VDAC1: variants seen among roughly 807,000 people sequenced by gnomAD.
VDAC1 encodes the protein voltage dependent anion channel 1.
In VDAC1, 10 loss-of-function variants were observed where a neutral mutation model predicts 34.7. That is an observed-to-expected ratio of 0.29 (90% confidence interval 0.18 to 0.49). The LOEUF is 0.49. Among genes scored for constraint, VDAC1 ranks in the 20% least tolerant of loss-of-function variants. The pLI is 0.99. For missense variants in VDAC1, 230 were observed against 347.9 expected, an observed-to-expected ratio of 0.66 and a Z score of 2.69; for synonymous variants, 130 against 136.0, an observed-to-expected ratio of 0.96 and a Z score of 0.30.
At chr5:134,067,866 C>T in the VDAC1 span, among the ~76,000 whole-genome samples, 1 of 152,080 alleles carries the variant, frequency 6.6e-6, no homozygotes, top group South Asian at 2.1e-4. Flanking sequence ...GCCTGTAATC[C>T]CAGCACTTTG....
chr5:134,027,873 C>T, the VDAC1 span, among the ~76,000 whole-genome samples: 5 of 148,094 alleles, frequency 3.4e-5, no homozygotes, highest in East Asian at 2.0e-4. Context: ...CAGGTTCAAG[C>T]GATTCTCCTG....
chr5:134,075,643 G>A, the VDAC1 span, among the ~76,000 whole-genome samples: 1 of 152,170 alleles, frequency 6.6e-6, no homozygotes, highest in Non-Finnish European at 1.5e-5. Flanking sequence ...GAGTGCAGTG[G>A]CGCAATCTCG....
chr5:133,973,355 G>A lies in VDAC1; in HGVS notation c.760+436C>T, dbSNP rs183217442. Reference sequence around the variant, plus strand: ...TAGCTGGTAGTCTTAGATTTCCAGGGTTCAAAAGTGGTTATACACTAGAAC... The same window carrying A: ...TAGCTGGTAGTCTTAGATTTCCAGGATTCAAAAGTGGTTATACACTAGAAC... On this transcript the variant is annotated intron_variant, in intron 8 of 8. Transcript: ENST00000265333. Among the ~76,000 whole-genome samples, 88 of 152,308 alleles carry A rather than the reference G, an allele frequency of 5.8e-4. 1 individual carries two copies. In the Middle Eastern group the frequency reaches 0.017, roughly 29 times the overall value.
the VDAC1 span, among the ~76,000 whole-genome samples, chr5:134,040,436 G>T: frequency 6.6e-6 from 1 of 152,196 alleles, no homozygotes; most frequent in Non-Finnish European, 1.5e-5. Context: ...TTAACTGGGT[G>T]TGGTGGCACG....
At chr5:133,982,799 A>G (rs1752749547) in intron 5 of VDAC1, among the ~76,000 whole-genome samples, 1 of 150,700 alleles carries the variant, frequency 6.6e-6, no homozygotes, top group Non-Finnish European at 1.5e-5. Context: ...CTGAGGCAGG[A>G]GAATCACTTG....
At chr5:133,972,923 A>G (rs1752352974) in intron 8 of VDAC1, 61 bp from the exon 9 acceptor site, 2 of 1,399,260 alleles carry the variant, frequency 1.4e-6, no homozygotes, top group Admixed American at 3.5e-5. Context: ...AATGACAAGA[A>G]AGATTAACAC....
At chr5:134,070,737 C>T in the VDAC1 span, among the ~76,000 whole-genome samples, 1 of 152,068 alleles carries the variant, frequency 6.6e-6, no homozygotes, top group Non-Finnish European at 1.5e-5. Flanking sequence ...GCTGTCTGGC[C>T]GGTGGTAAAC....
the VDAC1 span, among the ~76,000 whole-genome samples, chr5:134,107,350 G>A: frequency 1.3e-5 from 2 of 152,334 alleles, no homozygotes; most frequent in East Asian, 3.9e-4. Flanking sequence ...CAGCCCGGCC[G>A]GGCCATGGCT....
the VDAC1 span, among the ~76,000 whole-genome samples, chr5:134,061,520 C>T: frequency 6.6e-6 from 1 of 151,546 alleles, no homozygotes; most frequent in Non-Finnish European, 1.5e-5. Flanking sequence ...TACAGGCACA[C>T]ACCACCATAC....
At chr5:134,031,383 G>T in the VDAC1 span, among the ~76,000 whole-genome samples, 1 of 152,152 alleles carries the variant, frequency 6.6e-6, no homozygotes, top group South Asian at 2.1e-4. Flanking sequence ...TGTGAATGCT[G>T]CCTTGTATGG....
chr5:134,025,247 A>G, the VDAC1 span, among the ~76,000 whole-genome samples: 1 of 152,172 alleles, frequency 6.6e-6, no homozygotes, highest in Non-Finnish European at 1.5e-5. Context: ...GGCACGTCAC[A>G]TGGCGAAAGA....
At chr5:134,102,779 G>T in the VDAC1 span, among the ~76,000 whole-genome samples, 1 of 152,082 alleles carries the variant, frequency 6.6e-6, no homozygotes, top group African/African-American at 2.4e-5. Flanking sequence ...GTTTTACTTA[G>T]CTGCATGCTT....
At chr5:134,063,944 C>G in the VDAC1 span, among the ~76,000 whole-genome samples, 1 of 151,890 alleles carries the variant, frequency 6.6e-6, no homozygotes. Flanking sequence ...GCGATTCCCC[C>G]TCCTCAGCCT....
chr5:134,021,717 A>G, the VDAC1 span, among the ~76,000 whole-genome samples: 1 of 152,202 alleles, frequency 6.6e-6, no homozygotes, highest in Non-Finnish European at 1.5e-5. Context: ...TGTGGTGCAC[A>G]TGAGAATCAC....
At chr5:134,019,466 G>A in the VDAC1 span, among the ~76,000 whole-genome samples, 1 of 152,130 alleles carries the variant, frequency 6.6e-6, no homozygotes, top group African/African-American at 2.4e-5. Context: ...TGTAGTCCCA[G>A]CTACTGAGGA....
intron 6 of VDAC1, among the ~76,000 whole-genome samples, chr5:133,979,323 C>T (rs903634367): frequency 2.0e-5 from 3 of 151,456 alleles, no homozygotes; most frequent in Non-Finnish European, 2.9e-5. Flanking sequence ...CAGAATTCTA[C>T]GTTCAAAAAC....
the VDAC1 span, among the ~76,000 whole-genome samples, chr5:134,054,593 G>A: frequency 6.6e-6 from 1 of 151,544 alleles, no homozygotes. Context: ...CGGAGTAGCT[G>A]TAATTACAGG....
the VDAC1 span, among the ~76,000 whole-genome samples, chr5:134,057,496 TATC>T: frequency 1.7e-5 from 1 of 60,192 alleles, no homozygotes; most frequent in East Asian, 3.8e-4. Context: ...AAAAAATTTA[TATC>T]TATATCTATA....
chr5:134,007,180 G>A (rs187752593), upstream of VDAC1, among the ~76,000 whole-genome samples: 255 of 151,366 alleles, frequency 1.7e-3, 2 homozygotes, highest in African/African-American at 6.0e-3. Context: ...GGAGGCGGAG[G>A]TTGCGGTGAG....
Sources: gnomAD v4.1 joint callset for allele counts (sites outside exome capture counted in the v4.1 genomes callset) on GRCh38, gnomAD v4.1.1 for gene constraint, MANE v1.5 for transcripts, NCBI Gene and HGNC (gene_info 2026-07-23, HGNC 2026-07-21) for gene names.